FLNB: variants seen among roughly 807,000 people sequenced by gnomAD.
The protein encoded by FLNB is filamin B.
In FLNB, 111 loss-of-function variants were observed where a neutral mutation model predicts 250.6. The ratio of observed to expected loss-of-function variants is 0.44; its 90% confidence interval spans 0.38 to 0.52. The LOEUF (loss-of-function observed/expected upper bound fraction) is 0.52, where lower values mean the gene tolerates loss of function less well. FLNB is among the 20% of genes least tolerant of loss of function. The pLI is 0.00. For synonymous variants in FLNB, 1,302 were observed against 1,372.1 expected (o/e 0.95, Z 1.13); for missense variants, 2,869 against 3,447.8 (o/e 0.83, Z 4.20).
chr3:58,151,975 A>G (rs894261150), intron 38 of FLNB, among the ~76,000 whole-genome samples: 2 of 152,212 alleles, frequency 1.3e-5, no homozygotes, highest in Non-Finnish European at 2.9e-5. Flanking sequence ...GTTCAGTTTC[A>G]TATCTTCGAT....
intron 29 of FLNB, among the ~76,000 whole-genome samples, chr3:58,140,906 T>C (rs959636767): frequency 6.6e-6 from 1 of 151,834 alleles, no homozygotes; most frequent in African/African-American, 2.4e-5. Flanking sequence ...CGCCCAGCCA[T>C]GAGCATTAAA....
At chr3:58,158,265 C>G (rs982661509) in intron 41 of FLNB, among the ~76,000 whole-genome samples, 4 of 152,206 alleles carry the variant, frequency 2.6e-5, no homozygotes, top group Non-Finnish European at 5.9e-5. Context: ...GCATGATAGC[C>G]ACTAACCATA....
chr3:58,094,690 C>T (rs868317264), intron 4 of FLNB, 146 bp from the exon 5 acceptor site: 46 of 757,942 alleles, frequency 6.1e-5, no homozygotes, highest in Middle Eastern at 7.1e-4. Flanking sequence ...CCTGATTTTC[C>T]TTGTCAAGGC....
chr3:58,120,161 G>C (rs964428249), intron 19 of FLNB, among the ~76,000 whole-genome samples: 1 of 152,240 alleles, frequency 6.6e-6, no homozygotes, highest in African/African-American at 2.4e-5. Context: ...CAAGTTGCAA[G>C]CAAGGCCAGC....
chr3:58,124,128 T>C (rs1258696952), intron 21 of FLNB, among the ~76,000 whole-genome samples: 1 of 152,212 alleles, frequency 6.6e-6, no homozygotes. Flanking sequence ...AGCAGTCGTG[T>C]TGTCACTTAG....
At chr3:58,104,197 AC>A in intron 10 of FLNB, 112 bp downstream of exon 10, 41 of 1,076,234 alleles carry the variant, frequency 3.8e-5, no homozygotes, top group South Asian at 1.1e-4. Context: ...TTTGTTGAAA[AC>A]TTTTTTTTTT....
chr3:58,022,186 G>C (rs947654269), intron 1 of FLNB, among the ~76,000 whole-genome samples: 4 of 152,162 alleles, frequency 2.6e-5, no homozygotes, highest in Non-Finnish European at 5.9e-5. Flanking sequence ...CTGTGGCTCT[G>C]ACCTTGGCAC....
rs200554477 is a variant in FLNB, at chr3:58,109,218, C to T, written c.2095C>T (p.Arg699Trp). Reference protein sequence around the residue: ...GQRIDIQMKNRMDGTYACSYT... With the variant: ...GQRIDIQMKNWMDGTYACSYT... Reference sequence around the variant, plus strand: ...ACGCATTGACATCCAGATGAAGAACCGGATGGACGGCACATATGCATGCTC... The same window carrying T: ...ACGCATTGACATCCAGATGAAGAACTGGATGGACGGCACATATGCATGCTC... The change falls in exon 14 of 46, where the codon CGG (arginine) becomes TGG (tryptophan). Residue 699 changes from arginine to tryptophan, a missense_variant. Coordinates refer to ENST00000295956, the MANE Select transcript of FLNB (RefSeq NM_001457.4). 423 of 1,614,196 alleles carry T rather than the reference C, an allele frequency of 2.6e-4. No homozygotes were observed. Among genetic ancestry groups the T allele is most frequent in the South Asian group, 7.6e-4 (69 of 91,074 alleles).
At chr3:58,109,062 A>C in intron 13 of FLNB, 117 bp from the exon 14 acceptor site, 1 of 1,190,442 alleles carries the variant, frequency 8.4e-7, no homozygotes, top group Non-Finnish European at 1.2e-6. Context: ...TAGTTGGTCC[A>C]TGAAGTTTTG....
chr3:58,137,709 G>A (rs1458314077), intron 28 of FLNB, among the ~76,000 whole-genome samples: 5 of 152,188 alleles, frequency 3.3e-5, no homozygotes, highest in Non-Finnish European at 7.3e-5. Flanking sequence ...TTAGCTAACA[G>A]CACCCATCCT....
intron 24 of FLNB, among the ~76,000 whole-genome samples, chr3:58,127,790 G>T (rs4681796): frequency 5.9e-5 from 9 of 151,998 alleles, no homozygotes; most frequent in Non-Finnish European, 1.2e-4. Context: ...TTTGTTTTGG[G>T]GGGAGGACTC....
At chr3:58,027,611 C>T (rs149016665) in intron 1 of FLNB, among the ~76,000 whole-genome samples, 305 of 152,314 alleles carry the variant, frequency 2.0e-3, no homozygotes, top group Non-Finnish European at 2.6e-3. Context: ...CTAGGTCTAC[C>T]TCTACCATCA....
chr3:58,069,230 TTC>T (rs1229661473), intron 1 of FLNB, among the ~76,000 whole-genome samples: 2 of 141,492 alleles, frequency 1.4e-5, no homozygotes, highest in African/African-American at 5.5e-5. Flanking sequence ...AGTAGTTCAA[TTC>T]TTTTTTTTTT....
At chr3:58,120,014 G>C (rs978677192) in intron 19 of FLNB, among the ~76,000 whole-genome samples, 5 of 152,218 alleles carry the variant, frequency 3.3e-5, no homozygotes, top group African/African-American at 1.2e-4. Context: ...ACATTCACCT[G>C]GTTTCAGGCT....
chr3:58,122,997 A>T, intron 20 of FLNB, 96 bp from the exon 21 acceptor site: 1 of 1,135,208 alleles, frequency 8.8e-7, no homozygotes, highest in Admixed American at 1.7e-5. Context: ...CCTGGCTCAG[A>T]TGCACTTCCA....
intron 6 of FLNB, 24 bp from the exon 7 acceptor site, chr3:58,097,791 T>A: frequency 6.2e-7 from 1 of 1,611,866 alleles, no homozygotes; most frequent in Non-Finnish European, 8.5e-7. Context: ...GATTATGTAT[T>A]TCTCACCTAT....
Position 58,163,171 on chromosome 3 carries a change from T to G in FLNB, c.7039T>G (p.Phe2347Val), listed in dbSNP as rs2097364517. ...ELEPDKYAVR[F>V]IPHENGVHTI... The stretch of plus-strand genomic sequence containing the variant: ...TCTCCTAGATAAGTATGCTGTTCGC[T>G]TCATCCCTCATGAGAATGGTGTCCA... Residue 2347 changes from phenylalanine (F) to valine (V), a missense_variant, in exon 43 of 46, where the codon TTC becomes GTC. Phe to Val is a conservative substitution (Grantham distance 50, BLOSUM62 -1). Coordinates refer to ENST00000295956, the MANE Select transcript of FLNB (RefSeq NM_001457.4). 6.2e-7 allele frequency: 1 copy of G among 1,614,106 alleles called. No homozygotes were observed. Among genetic ancestry groups the G allele is most frequent in the Non-Finnish European group, 8.5e-7 (1 of 1,180,026 alleles).
chr3:58,169,463 G>A lies in FLNB; in HGVS notation c.7418-127G>A. 1 of 762,570 alleles carries A rather than the reference G, an allele frequency of 1.3e-6. No individual in the cohort carries two copies. Among genetic ancestry groups the A allele is most frequent in the Non-Finnish European group, 2.4e-6 (1 of 419,544 alleles). 47.2% of individuals were successfully genotyped at this position (762,570 alleles called of 1,614,324 possible). A position where few individuals can be genotyped will look rare whatever the true frequency, so the allele number is the denominator to read the frequency against. ...ATTATGGGTGTGAGATACAGGTGTG[G>A]TGGCTTTTGTGTTGGGGTGCGCGGG... On this transcript the variant is annotated intron_variant, in intron 44 of 45. Coordinates refer to ENST00000295956, the MANE Select transcript of FLNB (RefSeq NM_001457.4). The surrounding 1 kb of genome is among the most constrained non-coding windows in gnomAD (Gnocchi z 4.8).
chr3:58,027,379 G>C (rs753360299), intron 1 of FLNB, among the ~76,000 whole-genome samples: 55 of 151,878 alleles, frequency 3.6e-4, no homozygotes, highest in Non-Finnish European at 6.9e-4. Context: ...GCGGTGGCCC[G>C]GTCCGCCTGC....
Sources: allele counts gnomAD v4.1 joint callset (sites outside exome capture counted in the v4.1 genomes callset), GRCh38; gene constraint gnomAD v4.1.1; non-coding constraint Gnocchi (gnomAD v3.1); transcripts MANE v1.5; gene names NCBI Gene and HGNC (gene_info 2026-07-23, HGNC 2026-07-21).